Variants in NF2 observed in about 807,000 individuals in gnomAD.
The protein encoded by NF2 is merlin.
A neutral mutation model predicts 83.7 loss-of-function variants in NF2; 8 were observed. The ratio of observed to expected loss-of-function variants is 0.10; its 90% CI spans 0.06 to 0.17. The LOEUF (loss-of-function observed/expected upper bound fraction) is 0.17. Among genes scored for constraint, NF2 ranks in the 10% least tolerant of loss-of-function variants. The probability of loss-of-function intolerance (pLI) is 1.00; values close to 1 mark genes in which losing one functional copy is unlikely to be tolerated. For synonymous variants in NF2, 266 were observed against 269.6 expected (o/e 0.99, Z 0.13); for missense variants, 533 against 744.4 (o/e 0.72, Z 3.31).
At chr22:29,608,078 C>G (rs1410011706) in intron 1 of NF2, among the ~76,000 whole-genome samples, 1 of 131,844 alleles carries the variant, frequency 7.6e-6, no homozygotes, top group Non-Finnish European at 1.5e-5. Context: ...GAGGCTGAGG[C>G]AGGAGAATTC....
intron 4 of NF2, among the ~76,000 whole-genome samples, chr22:29,649,145 C>CA (rs376257256): frequency 0.097 from 13,942 of 144,040 alleles, 744 homozygotes; most frequent in African/African-American, 0.16. Flanking sequence ...TAATGTGAAG[C>CA]AAAAAAAAAA....
chr22:29,690,602 T>A (rs1360629325), intron 15 of NF2, among the ~76,000 whole-genome samples: 2 of 152,146 alleles, frequency 1.3e-5, no homozygotes, highest in Non-Finnish European at 2.9e-5. Context: ...GCCTCATAGA[T>A]CTGCCCCAGA....
chr22:29,612,915 G>A (rs1056804355), intron 1 of NF2, among the ~76,000 whole-genome samples: 1 of 151,742 alleles, frequency 6.6e-6, no homozygotes, highest in Non-Finnish European at 1.5e-5. Flanking sequence ...GGCCAACATG[G>A]AGAAACCCTG....
chr22:29,652,176 C>T (rs1286959354), intron 4 of NF2, among the ~76,000 whole-genome samples: 1 of 152,064 alleles, frequency 6.6e-6, no homozygotes, highest in Non-Finnish European at 1.5e-5. Context: ...ACTTCAGCAC[C>T]CCCCCACTTC....
At chr22:29,631,097 T>G (rs1270605595) in intron 1 of NF2, among the ~76,000 whole-genome samples, 1 of 152,148 alleles carries the variant, frequency 6.6e-6, no homozygotes, top group Non-Finnish European at 1.5e-5. Flanking sequence ...GAGTCAGAAT[T>G]GTCACACGCA....
At chr22:29,679,901 TCA>T (rs1390492524) in intron 14 of NF2, among the ~76,000 whole-genome samples, 6 of 151,672 alleles carry the variant, frequency 4.0e-5, no homozygotes, top group Admixed American at 2.6e-4. Context: ...AATTGATTTC[TCA>T]CAGTTTGGGA....
In NF2 at chr22:29,603,863, C is replaced by T; in HGVS notation, c.-136C>T. The T allele has an allele frequency of 1.5e-6, 1 of 650,842 alleles. No individual in the cohort carries two copies. The highest frequency in any genetic ancestry group is 2.6e-6 in the Non-Finnish European group (1 of 382,896). 40.3% of individuals were successfully genotyped at this position (650,842 alleles called of 1,614,324 possible). On this transcript the variant is annotated 5_prime_UTR_variant, in exon 1 of 16. Coordinates refer to ENST00000338641, the MANE Select transcript of NF2 (RefSeq NM_000268.4). ...GCCCATGCTGGCCGCTGGGGACCCGCGCAGCCCAGACCGTTCCCGGGCCGG... is the reference window on the plus strand; with the variant it reads ...GCCCATGCTGGCCGCTGGGGACCCGTGCAGCCCAGACCGTTCCCGGGCCGG...
rs555860463 is a variant in NF2, at chr22:29,644,814, G to A, written c.447+2529G>A. ...CGCGCGCCTGCAATTGCAGGCACTC[G>A]GCAGGCTGAGGCAGGAGAATCAGGC... On this transcript the variant is annotated intron_variant, in intron 4 of 15. Coordinates refer to ENST00000338641, the MANE Select transcript of NF2 (RefSeq NM_000268.4). 8.7e-3 allele frequency among the ~76,000 whole-genome samples: 1,325 copies of A among 152,248 alleles called. 17 individuals are homozygous for A. Among genetic ancestry groups the A allele is most frequent in the African/African-American group, 0.03 (1,261 of 41,528 alleles).
At chr22:29,640,773 GT>G in intron 3 of NF2, among the ~76,000 whole-genome samples, 1 of 149,570 alleles carries the variant, frequency 6.7e-6, no homozygotes, top group Non-Finnish European at 1.5e-5. Flanking sequence ...GGGGGCGTGT[GT>G]GTGTGTGTGT....
At position 29,682,555 on chromosome 22, in the gene NF2, T is replaced by G. The variant is rs1328670454; in HGVS notation, c.1737+954T>G. The stretch of plus-strand genomic sequence containing the variant: ...CCGGGTAGAGAATTCCTTTTAATAG[T>G]GCAACCTAGAAGGAAAGGCATTTCC... On this transcript the variant is annotated intron_variant, in intron 15 of 15. Coordinates refer to ENST00000338641, the MANE Select transcript of NF2 (RefSeq NM_000268.4). Among the ~76,000 whole-genome samples, 3 of 152,228 alleles carry G rather than the reference T, an allele frequency of 2.0e-5. No homozygotes were observed. The East Asian group carries it at 5.8e-4, about 29-fold the overall frequency.
At chr22:29,680,226 C>T (rs2067088733) in intron 14 of NF2, among the ~76,000 whole-genome samples, 2 of 152,106 alleles carry the variant, frequency 1.3e-5, no homozygotes, top group Admixed American at 1.3e-4. Context: ...ATTCTCCTGC[C>T]TCAGCCTCCT....
At chr22:29,693,729 T>G (rs2067468065) in intron 15 of NF2, among the ~76,000 whole-genome samples, 1 of 152,196 alleles carries the variant, frequency 6.6e-6, no homozygotes, top group Non-Finnish European at 1.5e-5. Flanking sequence ...GTTATCTTCA[T>G]AGCCCACGTC....
chr22:29,650,263 C>T (rs1293815716), intron 4 of NF2, among the ~76,000 whole-genome samples: 1 of 152,118 alleles, frequency 6.6e-6, no homozygotes, highest in Admixed American at 6.5e-5. Context: ...CCAAATCACC[C>T]TCCAAAACTG....
chr22:29,682,190 T>A (rs1191287777), intron 15 of NF2, among the ~76,000 whole-genome samples: 1 of 152,128 alleles, frequency 6.6e-6, no homozygotes, highest in African/African-American at 2.4e-5. Flanking sequence ...ATACTAATTA[T>A]CAGCCCAAGA....
Position 29,694,792 on chromosome 22 carries a change from A to G in NF2, c.1778A>G (p.Glu593Gly). ...GCCAAGTCCCGAGTGGCCTTCTTTG[A>G]AGAGCTCTAGCAGGTGACCCAGCCA... ...QSAKSRVAFF[E>G]EL Residue 593 changes from glutamate (E) to glycine (G), a missense_variant, in exon 16 of 16, where the codon GAA (glutamate) becomes GGA (glycine). By Grantham distance (98) the Glu-to-Gly change is moderately conservative. Around this residue, in one of 3 missense-constraint regions of NF2, gnomAD observed 199 missense variants for 240.7 expected, o/e 0.83. Transcript: ENST00000338641. The surrounding 1 kb of genome is among the most constrained non-coding windows in gnomAD (Gnocchi z 4.1). 1.2e-6 allele frequency: 2 copies of G among 1,613,288 alleles called. No homozygotes were observed. Among genetic ancestry groups the G allele is most frequent in the African/African-American group, 1.3e-5 (1 of 74,942 alleles).
chr22:29,694,033 G>A lies in NF2; in HGVS notation c.1738-719G>A, dbSNP rs549804996. Among the ~76,000 whole-genome samples the A allele has an allele frequency of 2.6e-5, 4 of 152,246 alleles. No individual in the cohort carries two copies. Among genetic ancestry groups the A allele is most frequent in the East Asian group, 1.9e-4 (1 of 5,180 alleles). ...GCAAACCTCACTATGCCAAGAGCTC[G>A]GTCCCTGATCCACCCCATCCCCTTC... On this transcript the variant is annotated intron_variant, in intron 15 of 15. Coordinates refer to ENST00000338641, the MANE Select transcript of NF2 (RefSeq NM_000268.4). This position sits in a 1 kb window ranked among gnomAD's most constrained non-coding sequence, Gnocchi z 4.1.
rs1006877368 is a variant in NF2, at chr22:29,636,319, A to G, written c.115-432A>G. ...TAGTAAAACCAGTCTTATTTAAAGG[A>G]ATACTAGCCTTTTATCAAAGGGCAA... On this transcript the variant is annotated intron_variant, in intron 1 of 15. Transcript: ENST00000338641. The surrounding 1 kb of genome is among the most constrained non-coding windows in gnomAD (Gnocchi z 4.4). 6.6e-6 allele frequency among the ~76,000 whole-genome samples: 1 copy of G among 152,328 alleles called. No homozygotes were observed. Among genetic ancestry groups the G allele is most frequent in the Non-Finnish European group, 1.5e-5 (1 of 68,040 alleles).
intron 15 of NF2, among the ~76,000 whole-genome samples, chr22:29,693,671 T>A (rs1269120157): frequency 1.3e-5 from 2 of 152,194 alleles, no homozygotes; most frequent in Non-Finnish European, 1.5e-5. Context: ...CTCTCGGACC[T>A]TCTCAGCCGG....
chr22:29,662,273 C>T (rs1285625142), intron 8 of NF2, among the ~76,000 whole-genome samples: 3 of 152,130 alleles, frequency 2.0e-5, no homozygotes, highest in Non-Finnish European at 2.9e-5. Flanking sequence ...TAACAGACTA[C>T]AGGCGTGTGC....
Sources: gnomAD v4.1 joint callset for allele counts (sites outside exome capture counted in the v4.1 genomes callset) on GRCh38, gnomAD v4.1.1 for gene constraint, gnomAD v4.1.1 regional missense constraint, Gnocchi (gnomAD v3.1) non-coding constraint, MANE v1.5 for transcripts, NCBI Gene and HGNC (gene_info 2026-07-23, HGNC 2026-07-21) for gene names.